Variants in PACRG observed in about 807,000 individuals in gnomAD.
The protein encoded by PACRG is parkin coregulated, also known as parkin coregulated gene protein.
PACRG carries 29 observed loss-of-function variants against 29.7 expected under a neutral mutation model. The ratio of observed to expected loss-of-function variants is 0.98; its 90% CI spans 0.73 to 1.33. The LOEUF (loss-of-function observed/expected upper bound fraction) is 1.33, where lower values mean the gene tolerates loss of function less well. Among genes scored for constraint, PACRG ranks in the 40% most tolerant of loss-of-function variants. The pLI, the probability that PACRG is intolerant of heterozygous loss-of-function variation, is 0.00. For missense variants in PACRG, 279 were observed against 316.2 expected, an observed-to-expected ratio of 0.88 and a Z score of 0.89; for synonymous variants, 116 against 118.7, an observed-to-expected ratio of 0.98 and a Z score of 0.15.
intron 4 of PACRG, among the ~76,000 whole-genome samples, chr6:163,127,928 T>C (rs1816581889): frequency 1.3e-5 from 2 of 152,388 alleles, no homozygotes; most frequent in South Asian, 2.1e-4. Flanking sequence ...CTTGTTTTTG[T>C]AATCCATCTC....
intron 2 of PACRG, among the ~76,000 whole-genome samples, chr6:162,927,203 G>A (rs544866868): frequency 1.3e-5 from 2 of 152,088 alleles, no homozygotes; most frequent in African/African-American, 4.8e-5. Flanking sequence ...TACTGTTGGT[G>A]GGAATGTAAA....
intron 4 of PACRG, among the ~76,000 whole-genome samples, chr6:163,143,255 A>G (rs1777628202): frequency 6.6e-6 from 1 of 152,224 alleles, no homozygotes; most frequent in Non-Finnish European, 1.5e-5. Context: ...TAAAAAAATA[A>G]AAATAAAACA....
intron 2 of PACRG, among the ~76,000 whole-genome samples, chr6:162,913,984 A>G (rs1206386251): frequency 1.3e-5 from 2 of 151,914 alleles, no homozygotes; most frequent in African/African-American, 4.8e-5. Flanking sequence ...TGCTTTGTCT[A>G]TGTGTTTCAA....
chr6:163,001,907 G>T (rs1804626205), intron 2 of PACRG, among the ~76,000 whole-genome samples: 1 of 152,130 alleles, frequency 6.6e-6, no homozygotes, highest in Non-Finnish European at 1.5e-5. Context: ...CATCCAAGAA[G>T]TCCACTGATA....
chr6:162,873,688 A>G (rs1313504153), intron 2 of PACRG, among the ~76,000 whole-genome samples: 1 of 152,172 alleles, frequency 6.6e-6, no homozygotes. Context: ...AAAGCACTTT[A>G]CCACTAAATG....
chr6:162,936,078 G>A (rs987257986), intron 2 of PACRG, among the ~76,000 whole-genome samples: 1 of 152,154 alleles, frequency 6.6e-6, no homozygotes, highest in Non-Finnish European at 1.5e-5. Flanking sequence ...AAGGCAAAAG[G>A]CACTTCTTAC....
chr6:163,161,891 G>C (rs376539877), intron 4 of PACRG, among the ~76,000 whole-genome samples: 208 of 152,286 alleles, frequency 1.4e-3, no homozygotes, highest in African/African-American at 4.7e-3. Context: ...GAAATTGTAG[G>C]CATGTGTTTG....
chr6:162,996,525 GAAACAT>G (rs1804071788), intron 2 of PACRG, among the ~76,000 whole-genome samples: 1 of 152,000 alleles, frequency 6.6e-6, no homozygotes, highest in South Asian at 2.1e-4. Context: ...TGAGAAAAAT[GAAACAT>G]TCCACCAAAC....
chr6:162,885,264 C>T lies in PACRG; in HGVS notation c.291+70983C>T, dbSNP rs377265627. ...TTTTTTTTTTCTGGGAGCTTTCTTTCTCTTTTTTTTTTAATTATTTTTTGA... is the reference window on the plus strand; with the variant it reads ...TTTTTTTTTTCTGGGAGCTTTCTTTTTCTTTTTTTTTTAATTATTTTTTGA... On this transcript the variant is annotated intron_variant, in intron 2 of 4. Coordinates refer to ENST00000366888, the MANE Select transcript of PACRG (RefSeq NM_001080379.2). Among the ~76,000 whole-genome samples, 547 of 131,536 alleles carry T rather than the reference C, an allele frequency of 4.2e-3. 3 individuals are homozygous for T. The highest frequency in any genetic ancestry group is 0.015 in the African/African-American group (524 of 34,566). The allele number at this position is 131,536 out of a possible 152,430, so 86.3% of individuals were successfully genotyped here.
intron 2 of PACRG, among the ~76,000 whole-genome samples, chr6:163,015,554 A>G (rs1459712332): frequency 2.6e-5 from 4 of 152,132 alleles, no homozygotes; most frequent in Non-Finnish European, 5.9e-5. Context: ...TTCTGCTTGT[A>G]GAGATCTTGC....
intron 1 of PACRG, among the ~76,000 whole-genome samples, chr6:162,782,316 C>T (rs1235871629): frequency 6.6e-6 from 1 of 151,738 alleles, no homozygotes; most frequent in African/African-American, 2.4e-5. Flanking sequence ...ACAGATGGAA[C>T]AAGTAGATAG....
At chr6:162,834,261 TA>T (rs1789026327) in intron 2 of PACRG, among the ~76,000 whole-genome samples, 1 of 152,110 alleles carries the variant, frequency 6.6e-6, no homozygotes, top group Admixed American at 6.6e-5. Context: ...GTACCTGTAC[TA>T]AAAAATTATC....
intron 1 of PACRG, among the ~76,000 whole-genome samples, chr6:162,803,442 T>C (rs1049007317): frequency 2.6e-4 from 40 of 152,240 alleles, no homozygotes; most frequent in Non-Finnish European, 5.0e-4. Context: ...ATGAGAGATA[T>C]GATTTAATTA....
intron 4 of PACRG, among the ~76,000 whole-genome samples, chr6:163,121,944 G>A (rs559770410): frequency 2.0e-5 from 3 of 152,016 alleles, no homozygotes; most frequent in African/African-American, 7.2e-5. Flanking sequence ...TTACAGGTGT[G>A]AGCCACCACG....
rs1346110267 is a variant in PACRG, at chr6:163,268,445, T to C, written c.614-46382T>C. Among the ~76,000 whole-genome samples the C allele has an allele frequency of 2.6e-5, 4 of 150,960 alleles. No individual in the cohort carries two copies. The Admixed American group carries it at 2.7e-4, about 10-fold the overall frequency. On this transcript the variant is annotated intron_variant, in intron 4 of 4. Transcript: ENST00000366888. ...TATTGAAATATAGTAGGATGTAAGC[T>C]TCCAAACAACTTACAGTTTAAAATC...
intron 2 of PACRG, 44 bp from the exon 3 acceptor site, chr6:163,062,106 C>G: frequency 5.0e-6 from 8 of 1,599,778 alleles, no homozygotes; most frequent in Non-Finnish European, 6.8e-6. Context: ...GTGCTCTGCC[C>G]GAATGCTGTT....
At chr6:163,255,576 ACC>A (rs1490139444) in intron 4 of PACRG, among the ~76,000 whole-genome samples, 2 of 149,400 alleles carry the variant, frequency 1.3e-5, no homozygotes, top group African/African-American at 5.1e-5. Flanking sequence ...CTTGGGGGCG[ACC>A]CACCCAATCA....
chr6:162,747,235 G>A (rs1451196452), intron 1 of PACRG, among the ~76,000 whole-genome samples: 2 of 147,982 alleles, frequency 1.4e-5, no homozygotes, highest in Non-Finnish European at 3.0e-5. Flanking sequence ...CCCAGCCTAC[G>A]TCTTTCTCCC....
At chr6:163,104,948 A>G (rs1486302164) in intron 4 of PACRG, among the ~76,000 whole-genome samples, 1 of 151,794 alleles carries the variant, frequency 6.6e-6, no homozygotes, top group African/African-American at 2.4e-5. Context: ...TTGAACAAGT[A>G]CTCTTATACT....
Sources: allele counts gnomAD v4.1 joint callset (sites outside exome capture counted in the v4.1 genomes callset), GRCh38; gene constraint gnomAD v4.1.1; transcripts MANE v1.5; gene names NCBI Gene and HGNC (gene_info 2026-07-23, HGNC 2026-07-21).